The following IQCM variants were observed in gnomAD, a reference collection of about 807,000 sequenced individuals.
The protein encoded by IQCM is IQ domain-containing protein M.
IQCM carries 45 observed loss-of-function variants against 57.6 expected under a neutral mutation model. That is an observed-to-expected ratio of 0.78 (90% CI 0.62 to 1.00). The LOEUF (loss-of-function observed/expected upper bound fraction) is 1.00. IQCM is among the 50% of genes least tolerant of loss of function. The pLI is 0.00. For missense variants in IQCM, 468 were observed against 511.6 expected, an observed-to-expected ratio of 0.91 and a Z score of 0.82; for synonymous variants, 148 against 158.9, an observed-to-expected ratio of 0.93 and a Z score of 0.51.
intron 2 of IQCM, among the ~76,000 whole-genome samples, chr4:149,803,300 G>A (rs1456222890): frequency 1.3e-5 from 2 of 151,826 alleles, no homozygotes; most frequent in African/African-American, 2.4e-5. Context: ...TTATATAATG[G>A]GAAATTTAAT....
intron 8 of IQCM, among the ~76,000 whole-genome samples, chr4:149,601,485 T>C (rs1038392299): frequency 6.6e-6 from 1 of 152,172 alleles, no homozygotes; most frequent in African/African-American, 2.4e-5. Context: ...ATTTTTGATC[T>C]GCATTTGGTT....
chr4:149,691,625 G>T (rs1178745558), intron 5 of IQCM: 2 of 152,124 alleles, frequency 1.3e-5, no homozygotes, highest in Admixed American at 1.3e-4. Context: ...AGAAGCTAAA[G>T]AAAGCATTAG....
intron 5 of IQCM, among the ~76,000 whole-genome samples, chr4:149,714,540 A>T (rs1764833877): frequency 6.6e-6 from 1 of 152,162 alleles, no homozygotes; most frequent in Non-Finnish European, 1.5e-5. Context: ...CCCTTATCTG[A>T]GGGTGGATAC....
chr4:149,625,870 T>G (rs1158429175), intron 7 of IQCM, among the ~76,000 whole-genome samples: 2 of 152,168 alleles, frequency 1.3e-5, no homozygotes, highest in African/African-American at 2.4e-5. Flanking sequence ...TCCTGACAGA[T>G]TCGATAGACT....
intron 12 of IQCM, among the ~76,000 whole-genome samples, chr4:149,539,363 T>C (rs1412001304): frequency 6.6e-6 from 1 of 152,148 alleles, no homozygotes; most frequent in East Asian, 1.9e-4. Context: ...CAGAAGGCTG[T>C]CTAGTCGTTG....
intron 8 of IQCM, among the ~76,000 whole-genome samples, chr4:149,591,579 T>G (rs1470424501): frequency 2.6e-5 from 4 of 151,936 alleles, no homozygotes; most frequent in Admixed American, 2.6e-4. Flanking sequence ...ATTAGGTATA[T>G]CTCCTAATGC....
chr4:149,590,698 G>A (rs995573516), intron 8 of IQCM, among the ~76,000 whole-genome samples: 14 of 152,006 alleles, frequency 9.2e-5, no homozygotes, highest in Admixed American at 4.6e-4. Flanking sequence ...GAGAACATGC[G>A]GTGTTTGGTT....
chr4:149,649,914 G>C (rs2150131592), intron 7 of IQCM, among the ~76,000 whole-genome samples: 2 of 152,218 alleles, frequency 1.3e-5, no homozygotes, highest in South Asian at 4.2e-4. Flanking sequence ...TCAATGGTTT[G>C]ATATAGTTAT....
intron 13 of IQCM, among the ~76,000 whole-genome samples, chr4:149,385,565 G>A (rs923534993): frequency 6.6e-6 from 1 of 152,018 alleles, no homozygotes; most frequent in Non-Finnish European, 1.5e-5. Flanking sequence ...CTAAAATACA[G>A]ATCCATCTAT....
chr4:149,720,331 T>C (rs1325248790), intron 5 of IQCM, among the ~76,000 whole-genome samples: 2 of 152,244 alleles, frequency 1.3e-5, no homozygotes, highest in Non-Finnish European at 2.9e-5. Context: ...TTTCTATTTA[T>C]AACATACTAT....
At chr4:149,665,381 CAAG>C (rs1197299935) in intron 7 of IQCM, among the ~76,000 whole-genome samples, 1 of 152,068 alleles carries the variant, frequency 6.6e-6, no homozygotes, top group Non-Finnish European at 1.5e-5. Flanking sequence ...TTTTTCCTTG[CAAG>C]AAGAAGTCTT....
intron 5 of IQCM, among the ~76,000 whole-genome samples, chr4:149,706,787 C>T (rs1023657502): frequency 6.6e-6 from 1 of 151,878 alleles, no homozygotes; most frequent in South Asian, 2.1e-4. Context: ...CTAATAAGAC[C>T]TGTGACCTTG....
chr4:149,387,673 T>A (rs555975609), intron 13 of IQCM, among the ~76,000 whole-genome samples: 1 of 152,198 alleles, frequency 6.6e-6, no homozygotes, highest in South Asian at 2.1e-4. Flanking sequence ...GGCCTATTTC[T>A]TTTTCTTTAT....
At chr4:149,781,392 A>C (rs1311509954) in intron 2 of IQCM, among the ~76,000 whole-genome samples, 2 of 152,134 alleles carry the variant, frequency 1.3e-5, no homozygotes, top group African/African-American at 4.8e-5. Flanking sequence ...TGACTCATCC[A>C]TTTGTCCAGC....
At chr4:149,365,672 G>A (rs934679509) in intron 13 of IQCM, among the ~76,000 whole-genome samples, 1 of 152,054 alleles carries the variant, frequency 6.6e-6, no homozygotes, top group Non-Finnish European at 1.5e-5. Flanking sequence ...CTGATATGAT[G>A]AGGACACTTC....
intron 9 of IQCM, among the ~76,000 whole-genome samples, chr4:149,565,272 T>C (rs900713296): frequency 6.6e-6 from 1 of 152,098 alleles, no homozygotes; most frequent in Non-Finnish European, 1.5e-5. Context: ...ATTTTCTTAG[T>C]CTGTTTTATT....
At chr4:149,607,911 G>A (rs1754938705) in intron 8 of IQCM, among the ~76,000 whole-genome samples, 1 of 151,816 alleles carries the variant, frequency 6.6e-6, no homozygotes, top group African/African-American at 2.4e-5. Context: ...GCAGTAGTAA[G>A]TCCTTACCAA....
chr4:149,470,773 A>G (rs889217384), intron 12 of IQCM, among the ~76,000 whole-genome samples: 1 of 152,222 alleles, frequency 6.6e-6, no homozygotes, highest in Non-Finnish European at 1.5e-5. Flanking sequence ...ACTGTCTCTC[A>G]GACCACAGTG....
intron 5 of IQCM, among the ~76,000 whole-genome samples, chr4:149,719,316 C>G (rs1765251635): frequency 1.3e-5 from 2 of 149,986 alleles, no homozygotes; most frequent in African/African-American, 4.9e-5. Flanking sequence ...TGCACTCTAG[C>G]CTGGGCAACA....
Sources: gnomAD v4.1 joint callset for allele counts (sites outside exome capture counted in the v4.1 genomes callset) on GRCh38, gnomAD v4.1.1 for gene constraint, MANE v1.5 for transcripts, NCBI Gene and HGNC (gene_info 2026-07-23, HGNC 2026-07-21) for gene names.